The following EEFSEC variants were observed in gnomAD, a reference collection of about 807,000 sequenced individuals.
EEFSEC encodes eukaryotic elongation factor, selenocysteine-tRNA specific, also known as selenocysteine-specific elongation factor.
A neutral mutation model predicts 42.1 loss-of-function variants in EEFSEC; 43 were observed. The observed-to-expected ratio is 1.02, with a 90% CI of 0.80 to 1.32. EEFSEC has a LOEUF of 1.32. Among genes scored for constraint, EEFSEC ranks in the 40% most tolerant of loss-of-function variants. The pLI is 0.00. For synonymous variants in EEFSEC, 354 were observed against 339.1 expected, an observed-to-expected ratio of 1.04 and a Z score of -0.48; for missense variants, 745 against 803.6, an observed-to-expected ratio of 0.93 and a Z score of 0.88.
At chr3:128,273,869 A>G (rs2066440002) in intron 4 of EEFSEC, among the ~76,000 whole-genome samples, 1 of 152,176 alleles carries the variant, frequency 6.6e-6, no homozygotes, top group Admixed American at 6.5e-5. Flanking sequence ...GGCCCCCTTT[A>G]TAGAGATGCC....
chr3:128,424,341 G>A, the EEFSEC span, among the ~76,000 whole-genome samples: 1 of 152,220 alleles, frequency 6.6e-6, no homozygotes, highest in African/African-American at 2.4e-5. Flanking sequence ...TTTAATTATT[G>A]TATTACTTAT....
At chr3:128,212,299 A>C (rs1039471481) in intron 1 of EEFSEC, among the ~76,000 whole-genome samples, 3 of 152,220 alleles carry the variant, frequency 2.0e-5, no homozygotes, top group African/African-American at 7.2e-5. Flanking sequence ...ACAGGGGCTG[A>C]CCCTCATCAG....
rs766169500 is a variant in EEFSEC, at chr3:128,356,975, CCATCTTCTCCTGA to C, written c.1444-1231_1444-1219del. Among the ~76,000 whole-genome samples, 68 of 152,342 alleles carry C rather than the reference CCATCTTCTCCTGA, an allele frequency of 4.5e-4. 2 individuals are homozygous for C. The highest frequency in any genetic ancestry group is 2.2e-3 in the Admixed American group (33 of 15,306). The stretch of plus-strand genomic sequence containing the variant: ...CAGTGAGTGACCTTGGGTGGAGCTC[CCATCTTCTCCTGA>C]CATCTTCTCCAGCAAGCACATCAGC... On this transcript the variant is annotated intron_variant, in intron 5 of 6. Coordinates refer to ENST00000254730, the MANE Select transcript of EEFSEC (RefSeq NM_021937.5).
At chr3:128,287,793 A>C (rs1416104336) in intron 4 of EEFSEC, among the ~76,000 whole-genome samples, 1 of 152,248 alleles carries the variant, frequency 6.6e-6, no homozygotes, top group Non-Finnish European at 1.5e-5. Context: ...GGGAAAAAAA[A>C]TTCAAACTAT....
chr3:128,349,784 A>G (rs2067360976), intron 5 of EEFSEC, among the ~76,000 whole-genome samples: 1 of 152,194 alleles, frequency 6.6e-6, no homozygotes, highest in Non-Finnish European at 1.5e-5. Flanking sequence ...CAACCTTAGC[A>G]TGTTAGCTGG....
At chr3:128,406,317 A>T (rs1201614590) in intron 6 of EEFSEC, among the ~76,000 whole-genome samples, 1 of 152,144 alleles carries the variant, frequency 6.6e-6, no homozygotes, top group Non-Finnish European at 1.5e-5. Context: ...ACCCAAACTC[A>T]TAGAAGCAGA....
intron 4 of EEFSEC, among the ~76,000 whole-genome samples, chr3:128,278,017 G>A (rs1214101974): frequency 1.3e-5 from 2 of 152,236 alleles, no homozygotes; most frequent in Admixed American, 6.5e-5. Context: ...CAAATGTGGG[G>A]TGAGAGGTGC....
intron 2 of EEFSEC, among the ~76,000 whole-genome samples, chr3:128,250,290 C>T (rs1450397003): frequency 6.6e-6 from 1 of 151,932 alleles, no homozygotes; most frequent in African/African-American, 2.4e-5. Flanking sequence ...TTTTAATTGC[C>T]TGTGCTTTTG....
chr3:128,376,635 C>T (rs1332733588), intron 6 of EEFSEC, among the ~76,000 whole-genome samples: 2 of 152,140 alleles, frequency 1.3e-5, no homozygotes, highest in African/African-American at 4.8e-5. Context: ...TTCCTCTCCC[C>T]AGTAACAGTG....
At chr3:128,287,338 G>C (rs1402406018) in intron 4 of EEFSEC, among the ~76,000 whole-genome samples, 2 of 152,150 alleles carry the variant, frequency 1.3e-5, no homozygotes, top group African/African-American at 4.8e-5. Context: ...GAAGGAATGA[G>C]ATCAAGAATG....
chr3:128,280,457 C>T (rs1485476378), intron 4 of EEFSEC, among the ~76,000 whole-genome samples: 3 of 152,238 alleles, frequency 2.0e-5, no homozygotes, highest in Non-Finnish European at 4.4e-5. Context: ...CTGGAAAGTC[C>T]GTTCTCTGCT....
intron 2 of EEFSEC, among the ~76,000 whole-genome samples, chr3:128,261,062 G>A (rs2066292063): frequency 6.6e-6 from 1 of 152,114 alleles, no homozygotes; most frequent in Admixed American, 6.5e-5. Flanking sequence ...AAGTAATGGA[G>A]GAAAGCATGT....
intron 2 of EEFSEC, 85 bp from the exon 3 acceptor site, chr3:128,262,043 G>A (rs2066302301): frequency 4.7e-6 from 6 of 1,274,656 alleles, no homozygotes; most frequent in South Asian, 1.2e-5. Flanking sequence ...ACTGCACTTG[G>A]TACTGTGCCA....
intron 1 of EEFSEC, among the ~76,000 whole-genome samples, chr3:128,234,374 T>A (rs1043574991): frequency 6.6e-6 from 1 of 152,146 alleles, no homozygotes; most frequent in African/African-American, 2.4e-5. Flanking sequence ...TTTTTAAGCT[T>A]TTTATTTCAA....
intron 5 of EEFSEC, among the ~76,000 whole-genome samples, chr3:128,353,112 A>G (rs1559935554): frequency 6.6e-6 from 1 of 152,244 alleles, no homozygotes. Flanking sequence ...TTCATGTTAT[A>G]ACAAAATAAC....
intron 1 of EEFSEC, among the ~76,000 whole-genome samples, chr3:128,229,662 G>A (rs2065940889): frequency 6.6e-6 from 1 of 152,224 alleles, no homozygotes; most frequent in Non-Finnish European, 1.5e-5. Flanking sequence ...CTTGGCCCAT[G>A]GACATGTTTT....
intron 1 of EEFSEC, among the ~76,000 whole-genome samples, chr3:128,239,570 C>G (rs529801793): frequency 6.6e-6 from 1 of 152,150 alleles, no homozygotes; most frequent in Non-Finnish European, 1.5e-5. Flanking sequence ...TCCAAGCTGC[C>G]ACCCCGTTCC....
intron 6 of EEFSEC, among the ~76,000 whole-genome samples, chr3:128,368,742 G>A (rs1241437294): frequency 6.6e-6 from 1 of 152,228 alleles, no homozygotes. Flanking sequence ...GGACTGTGAG[G>A]AGTAAACCAG....
At chr3:128,335,897 G>A (rs1181359674) in intron 4 of EEFSEC, among the ~76,000 whole-genome samples, 1 of 152,218 alleles carries the variant, frequency 6.6e-6, no homozygotes, top group Non-Finnish European at 1.5e-5. Context: ...GTCCAGGTGG[G>A]TGGAAGCCCC....
Sources: allele counts gnomAD v4.1 joint callset (sites outside exome capture counted in the v4.1 genomes callset), GRCh38; gene constraint gnomAD v4.1.1; transcripts MANE v1.5; gene names NCBI Gene and HGNC (gene_info 2026-07-23, HGNC 2026-07-21).